UST: variants seen among roughly 807,000 people sequenced by gnomAD.
UST encodes uronyl 2-sulfotransferase, also known as chondroitin sulfate 2-O-sulfotransferase.
UST carries 21 observed loss-of-function variants against 45.6 expected under a neutral mutation model. That is an observed-to-expected ratio of 0.46 (90% confidence interval 0.33 to 0.66). The LOEUF is 0.66. UST is among the 30% of genes least tolerant of loss of function. The pLI is 0.02. For missense variants in UST, 463 were observed against 512.4 expected (o/e 0.90, Z 0.93); for synonymous variants, 215 against 200.6 (o/e 1.07, Z -0.61).
chr6:149,001,437 T>G (rs777239336), intron 5 of UST, among the ~76,000 whole-genome samples: 7 of 152,156 alleles, frequency 4.6e-5, no homozygotes, highest in Non-Finnish European at 1.0e-4. Context: ...AATTTAAATA[T>G]TCACACAAGT....
intron 1 of UST, among the ~76,000 whole-genome samples, chr6:148,826,580 G>A (rs1777571078): frequency 6.6e-6 from 1 of 152,022 alleles, no homozygotes; most frequent in African/African-American, 2.4e-5. Flanking sequence ...TAAACTTCAT[G>A]AGCCATTTCA....
At chr6:149,035,453 G>A (rs1776227593) in intron 7 of UST, among the ~76,000 whole-genome samples, 1 of 152,070 alleles carries the variant, frequency 6.6e-6, no homozygotes, top group Admixed American at 6.5e-5. Context: ...TTAAGAGTGA[G>A]GCACTAAAGA....
intron 1 of UST, among the ~76,000 whole-genome samples, chr6:148,753,058 C>G (rs1445234316): frequency 2.6e-5 from 4 of 152,152 alleles, no homozygotes; most frequent in African/African-American, 9.7e-5. Flanking sequence ...TTGCAAAAGT[C>G]AATGTAGCAA....
chr6:148,913,092 TTTC>T (rs141014088), intron 2 of UST, among the ~76,000 whole-genome samples: 16,969 of 152,204 alleles, frequency 0.11, 1,403 homozygotes, highest in East Asian at 0.41. Flanking sequence ...TGTGCAGAAA[TTTC>T]TTACTGGATT....
At position 149,050,645 on chromosome 6, in the gene UST, A is replaced by G. The variant is rs145888415; in HGVS notation, c.938-23188A>G. On this transcript the variant is annotated intron_variant, in intron 7 of 7. Coordinates refer to ENST00000367463, the MANE Select transcript of UST (RefSeq NM_005715.3). ...TATTTTTCAATAAAGTATATTCCTC[A>G]TTATACTTTATCCTCCAAAATAAAA... 2.7e-3 allele frequency among the ~76,000 whole-genome samples: 411 copies of G among 152,358 alleles called. 1 individual carries two copies. The highest frequency in any genetic ancestry group is 5.1e-3 in the Admixed American group (78 of 15,302).
chr6:148,832,946 C>G (rs1262343925), intron 1 of UST, among the ~76,000 whole-genome samples: 1 of 152,110 alleles, frequency 6.6e-6, no homozygotes, highest in Non-Finnish European at 1.5e-5. Flanking sequence ...ACAAATAGCC[C>G]ATAGAAAAGC....
chr6:149,034,406 A>C (rs1163729290), intron 7 of UST, among the ~76,000 whole-genome samples: 1 of 150,078 alleles, frequency 6.7e-6, no homozygotes, highest in Non-Finnish European at 1.5e-5. Context: ...CTTCCCGCAG[A>C]GGCCCTCTCC....
At chr6:149,070,058 T>C (rs1776796958) in intron 7 of UST, among the ~76,000 whole-genome samples, 1 of 152,002 alleles carries the variant, frequency 6.6e-6, no homozygotes, top group South Asian at 2.1e-4. Flanking sequence ...TTGGATCCTT[T>C]GCCAGGTTGG....
intron 7 of UST, among the ~76,000 whole-genome samples, chr6:149,056,174 C>T (rs1312960792): frequency 1.2e-4 from 7 of 56,904 alleles, no homozygotes; most frequent in African/African-American, 5.1e-4. Flanking sequence ...CGCTGCAGTG[C>T]GGTGGCGTTA....
chr6:148,917,519 G>A (rs761900423), intron 2 of UST, among the ~76,000 whole-genome samples: 6 of 152,248 alleles, frequency 3.9e-5, no homozygotes, highest in East Asian at 3.8e-4. Context: ...TGTTAAAAAT[G>A]TAGGTTCCCA....
chr6:148,822,724 G>A (rs907274987), intron 1 of UST, among the ~76,000 whole-genome samples: 1 of 152,204 alleles, frequency 6.6e-6, no homozygotes, highest in Non-Finnish European at 1.5e-5. Flanking sequence ...TTGGGAGGGG[G>A]TTTGTGATCT....
Position 148,988,708 on chromosome 6 carries a change from G to T in UST, c.681+24145G>T, listed in dbSNP as rs145899801. Among the ~76,000 whole-genome samples, 1,012 of 152,072 alleles carry T rather than the reference G, an allele frequency of 6.7e-3. 6 individuals carry two copies. The highest frequency in any genetic ancestry group is 9.1e-3 in the Non-Finnish European group (617 of 67,964). On this transcript the variant is annotated intron_variant, in intron 5 of 7. Coordinates refer to ENST00000367463, the MANE Select transcript of UST (RefSeq NM_005715.3). ...TTTCCCTGGTCTCTAATCTGAAGCT[G>T]TAGATTCCTACAACATGTAATACTG...
intron 1 of UST, among the ~76,000 whole-genome samples, chr6:148,768,311 A>G (rs1776355972): frequency 6.6e-6 from 1 of 151,998 alleles, no homozygotes; most frequent in Non-Finnish European, 1.5e-5. Context: ...TTCTTTTGCA[A>G]TTTTTCTCTA....
chr6:148,798,705 G>T (rs1045223318), intron 1 of UST, among the ~76,000 whole-genome samples: 16 of 152,092 alleles, frequency 1.1e-4, no homozygotes, highest in African/African-American at 3.6e-4. Context: ...GAGAAGGGAT[G>T]CTCACCAGGG....
intron 1 of UST, among the ~76,000 whole-genome samples, chr6:148,866,323 G>C (rs1255505677): frequency 6.6e-6 from 1 of 152,098 alleles, no homozygotes; most frequent in African/African-American, 2.4e-5. Flanking sequence ...TATACAGACA[G>C]AAAAAACCAG....
chr6:148,998,786 C>T (rs1005740324), intron 5 of UST, among the ~76,000 whole-genome samples: 14 of 152,334 alleles, frequency 9.2e-5, no homozygotes, highest in Middle Eastern at 3.4e-3. Flanking sequence ...ATATAATCAG[C>T]GCAGCCCCTT....
chr6:148,765,176 T>C lies in UST; in HGVS notation c.247+17499T>C, dbSNP rs1776299538. Among the ~76,000 whole-genome samples, 6 of 152,350 alleles carry C rather than the reference T, an allele frequency of 3.9e-5. No homozygotes were observed. The South Asian group carries it at 1.2e-3, about 32-fold the overall frequency. The stretch of plus-strand genomic sequence containing the variant: ...TTCTTAAGGTGCCCAGATTTCATAT[T>C]GTTCAAACACCACTTATTGTTTCAG... On this transcript the variant is annotated intron_variant, in intron 1 of 7. Coordinates refer to ENST00000367463, the MANE Select transcript of UST (RefSeq NM_005715.3).
chr6:148,828,884 C>G (rs564580574), intron 1 of UST, among the ~76,000 whole-genome samples: 2 of 152,078 alleles, frequency 1.3e-5, no homozygotes, highest in Non-Finnish European at 2.9e-5. Context: ...TAGTACATTG[C>G]GGTTAACTTT....
intron 2 of UST, among the ~76,000 whole-genome samples, chr6:148,898,435 C>T (rs1369426242): frequency 1.3e-5 from 2 of 151,922 alleles, no homozygotes; most frequent in Non-Finnish European, 2.9e-5. Flanking sequence ...TTTTTAATCC[C>T]GAAGTCGCCT....
Sources: gnomAD v4.1 joint callset for allele counts (sites outside exome capture counted in the v4.1 genomes callset) on GRCh38, gnomAD v4.1.1 for gene constraint, MANE v1.5 for transcripts, NCBI Gene and HGNC (gene_info 2026-07-23, HGNC 2026-07-21) for gene names.